The following NFX1 variants were observed in gnomAD, a reference collection of about 807,000 sequenced individuals.
NFX1 encodes the protein transcriptional repressor NF-X1.
A neutral mutation model predicts 137.2 loss-of-function variants in NFX1; 69 were observed. The observed-to-expected ratio is 0.50, with a 90% CI of 0.41 to 0.61. The LOEUF is 0.61. Among genes scored for constraint, NFX1 ranks in the 20% least tolerant of loss-of-function variants. The probability of loss-of-function intolerance (pLI) is 0.00; values close to 1 mark genes in which losing one functional copy is unlikely to be tolerated. For synonymous variants in NFX1, 495 were observed against 474.1 expected (o/e 1.04, Z -0.57); for missense variants, 1,167 against 1,391.0 (o/e 0.84, Z 2.56).
At chr9:33,303,512 T>G (rs945214459) in intron 4 of NFX1, among the ~76,000 whole-genome samples, 1 of 152,214 alleles carries the variant, frequency 6.6e-6, no homozygotes, top group Non-Finnish European at 1.5e-5. Flanking sequence ...GCTTGTCTCC[T>G]TGGTCTTGAG....
At chr9:33,336,181 A>G (rs1822995215) in intron 11 of NFX1, among the ~76,000 whole-genome samples, 1 of 151,974 alleles carries the variant, frequency 6.6e-6, no homozygotes, top group Non-Finnish European at 1.5e-5. Flanking sequence ...CATTTTCTCC[A>G]CATCCTTGCC....
At chr9:33,335,860 A>G (rs907834537) in intron 11 of NFX1, among the ~76,000 whole-genome samples, 1 of 152,242 alleles carries the variant, frequency 6.6e-6, no homozygotes, top group Non-Finnish European at 1.5e-5. Context: ...ATACTGTAGT[A>G]TATATCAGCA....
intron 20 of NFX1, among the ~76,000 whole-genome samples, 200 bp downstream of exon 20, chr9:33,364,308 G>C (rs191153028): frequency 6.6e-6 from 1 of 152,158 alleles, no homozygotes; most frequent in African/African-American, 2.4e-5. Context: ...AACTGAACTT[G>C]GGGTAGGGTT....
At chr9:33,332,914 C>T (rs908568045) in intron 11 of NFX1, among the ~76,000 whole-genome samples, 7 of 152,316 alleles carry the variant, frequency 4.6e-5, no homozygotes, top group South Asian at 4.1e-4. Context: ...GGCGCGATCT[C>T]GGCTCACTGC....
chr9:33,364,688 C>T lies in NFX1; in HGVS notation c.2973-20C>T. On this transcript the variant is annotated intron_variant, in intron 20 of 23. Transcript: ENST00000379540. ...GAAGGGCAGGGACAGACAAAATTAA[C>T]TGGTGATTTCTCATTTCAGGAAGGA... The T allele has an allele frequency of 6.2e-7, 1 of 1,609,902 alleles. No homozygotes were observed. The highest frequency in any genetic ancestry group is 8.5e-7 in the Non-Finnish European group (1 of 1,177,908).
chr9:33,294,772 G>A lies in NFX1; in HGVS notation c.378G>A (p.Glu126=), dbSNP rs1587812795. 1.2e-5 allele frequency: 20 copies of A among 1,614,116 alleles called. No homozygotes were observed. The East Asian group carries it at 4.5e-4, about 36-fold the overall frequency. ...TCAAGAAAGCACAGAGTCTTGCTGA[G>A]CAGACCTCAGATACAGCTGGATTAG... ...IRVKKAQSLA[E]QTSDTAGLES... The change falls in exon 2 of 24, where the codon GAG becomes GAA. Residue 126 remains glutamate (E), a synonymous_variant. Transcript: ENST00000379540.
At chr9:33,327,301 A>T (rs1480649888) in intron 9 of NFX1, among the ~76,000 whole-genome samples, 1 of 152,194 alleles carries the variant, frequency 6.6e-6, no homozygotes, top group East Asian at 1.9e-4. Flanking sequence ...CTGGGATTAC[A>T]GGCATGAGCC....
At chr9:33,337,593 A>T (rs1489054878) in intron 11 of NFX1, among the ~76,000 whole-genome samples, 1 of 152,168 alleles carries the variant, frequency 6.6e-6, no homozygotes, top group Non-Finnish European at 1.5e-5. Context: ...AGCTGGGCAG[A>T]GTGGCTTACA....
chr9:33,325,088 A>AT (rs1361223359), intron 9 of NFX1, among the ~76,000 whole-genome samples: 7 of 152,202 alleles, frequency 4.6e-5, no homozygotes, highest in Non-Finnish European at 8.8e-5. Context: ...GTGGAAAAAT[A>AT]TTTAATGAAA....
intron 2 of NFX1, among the ~76,000 whole-genome samples, chr9:33,299,267 G>A (rs1178997151): frequency 6.6e-6 from 1 of 152,110 alleles, no homozygotes; most frequent in South Asian, 2.1e-4. Context: ...TCTGTTTGAG[G>A]ACCCAATCCA....
At chr9:33,308,888 G>A (rs961336363) in intron 5 of NFX1, among the ~76,000 whole-genome samples, 3 of 152,060 alleles carry the variant, frequency 2.0e-5, no homozygotes, top group African/African-American at 7.2e-5. Flanking sequence ...TGGTGGTGGC[G>A]CTGGGGAAAT....
At position 33,341,871 on chromosome 9, in the gene NFX1, CT is replaced by C. The variant is rs540535619; in HGVS notation, c.2116-872del. On this transcript the variant is annotated intron_variant, in intron 12 of 23. Coordinates refer to ENST00000379540, the MANE Select transcript of NFX1 (RefSeq NM_002504.6). ...GTGGCTCATGCCTGTAATCCCAGCACTTTGGGAGGCAAAGGCAGGCAGATCA... is the reference window on the plus strand; with the variant it reads ...GTGGCTCATGCCTGTAATCCCAGCACTTGGGAGGCAAAGGCAGGCAGATCA... 4.5e-3 allele frequency among the ~76,000 whole-genome samples: 692 copies of C among 152,304 alleles called. 5 individuals carry two copies. The highest frequency in any genetic ancestry group is 0.015 in the African/African-American group (630 of 41,574).
In NFX1 at chr9:33,332,129, T is replaced by G. The variant is rs182153488; in HGVS notation, c.2005-343T>G. On this transcript the variant is annotated intron_variant, in intron 10 of 23. Coordinates refer to ENST00000379540, the MANE Select transcript of NFX1 (RefSeq NM_002504.6). ...TTTATGGCTTTTTCTGTCTGTACCC[T>G]TGTTTGGTGATGACTTCTCTTTCCT... Among the ~76,000 whole-genome samples, 190 of 152,346 alleles carry G rather than the reference T, an allele frequency of 1.2e-3. 1 individual carries two copies. Among genetic ancestry groups the G allele is most frequent in the African/African-American group, 3.4e-3 (142 of 41,584 alleles).
rs1822125499 is a variant in NFX1, at chr9:33,315,460, T to G, written c.1588+1667T>G. ...AAATATACTCTCTCCTTCGTCTGCC[T>G]TTCTCTACATTTTATGTTCCTCCTG... On this transcript the variant is annotated intron_variant, in intron 7 of 23. Transcript: ENST00000379540. 1.3e-5 allele frequency among the ~76,000 whole-genome samples: 2 copies of G among 152,164 alleles called. 1 individual carries two copies. Among genetic ancestry groups the G allele is most frequent in the South Asian group, 4.1e-4 (2 of 4,824 alleles).
At chr9:33,321,581 A>G (rs548330233) in intron 9 of NFX1, among the ~76,000 whole-genome samples, 7 of 152,272 alleles carry the variant, frequency 4.6e-5, no homozygotes, top group African/African-American at 1.4e-4. Context: ...AACTATAAAA[A>G]AGCAACCATC....
intron 1 of NFX1, among the ~76,000 whole-genome samples, chr9:33,291,582 A>G (rs968575907): frequency 3.9e-5 from 6 of 152,188 alleles, no homozygotes; most frequent in African/African-American, 1.4e-4. Flanking sequence ...GTGGCAGGTA[A>G]AATGTATTTA....
intron 12 of NFX1, among the ~76,000 whole-genome samples, chr9:33,339,819 C>G (rs1047745408): frequency 6.6e-6 from 1 of 152,230 alleles, no homozygotes; most frequent in Non-Finnish European, 1.5e-5. Flanking sequence ...GTCCGAAATT[C>G]AGTGGGGCAG....
In NFX1 at chr9:33,370,933, TG is replaced by T. The variant is rs1824307180; in HGVS notation, c.*956del. 2 of 152,284 alleles carry T rather than the reference TG, an allele frequency of 1.3e-5. No homozygotes were observed. The highest frequency in any genetic ancestry group is 4.1e-4 in the South Asian group (2 of 4,828). 9.4% of individuals were successfully genotyped at this position (152,284 alleles called of 1,614,324 possible). A position where few individuals can be genotyped will look rare whatever the true frequency, so the allele number is the denominator to read the frequency against. ...TAGTATATGGACAGTCCAGGGCTTA[TG>T]CCCAGCAGCCCACTGGAGGCATTCT... On this transcript the variant is annotated 3_prime_UTR_variant, in exon 24 of 24. Transcript: ENST00000379540.
chr9:33,359,006 G>A (rs1229064701), intron 19 of NFX1, among the ~76,000 whole-genome samples: 1 of 151,714 alleles, frequency 6.6e-6, no homozygotes, highest in African/African-American at 2.4e-5. Flanking sequence ...GCCTAAATTG[G>A]TATTTTCTAA....
Sources: gnomAD v4.1 joint callset for allele counts (sites outside exome capture counted in the v4.1 genomes callset) on GRCh38, gnomAD v4.1.1 for gene constraint, MANE v1.5 for transcripts, NCBI Gene and HGNC (gene_info 2026-07-23, HGNC 2026-07-21) for gene names.